The following MAPK10 variants were observed in gnomAD, a reference collection of about 807,000 sequenced individuals.
MAPK10 encodes mitogen-activated protein kinase 10.
A neutral mutation model predicts 59.3 loss-of-function variants in MAPK10; 25 were observed. The observed-to-expected ratio is 0.42, with a 90% CI of 0.31 to 0.59. MAPK10 has a LOEUF of 0.59. Ranked by LOEUF, MAPK10 falls within the 20% of genes least tolerant of loss-of-function variation. The probability of loss-of-function intolerance (pLI) is 0.15; values close to 1 mark genes in which losing one functional copy is unlikely to be tolerated. For missense variants in MAPK10, 351 were observed against 568.9 expected (o/e 0.62, Z 3.90); for synonymous variants, 190 against 200.5 (o/e 0.95, Z 0.44).
chr4:86,575,173 C>CT (rs765518356), intron 1 of MAPK10, among the ~76,000 whole-genome samples: 1 of 152,202 alleles, frequency 6.6e-6, no homozygotes, highest in Non-Finnish European at 1.5e-5. Flanking sequence ...TGCCCTTAGA[C>CT]TAAGATTCGC....
chr4:86,073,272 GT>G (rs2048437955), intron 9 of MAPK10, among the ~76,000 whole-genome samples: 5 of 146,848 alleles, frequency 3.4e-5, no homozygotes, highest in Non-Finnish European at 6.1e-5. Context: ...TGTCTATTTG[GT>G]TCTTCTCTCT....
chr4:86,061,175 T>C (rs1485332325), intron 11 of MAPK10, among the ~76,000 whole-genome samples: 1 of 152,124 alleles, frequency 6.6e-6, no homozygotes, highest in East Asian at 1.9e-4. Flanking sequence ...AAATTAGTAA[T>C]GGGAAGAGCA....
At chr4:86,027,954 G>C (rs1411024168) in intron 13 of MAPK10, 1 of 152,146 alleles carries the variant, frequency 6.6e-6, no homozygotes, top group Non-Finnish European at 1.5e-5. Context: ...AATAGAATAG[G>C]TTCTACTAAA....
chr4:86,496,796 C>T (rs534935024), intron 1 of MAPK10, among the ~76,000 whole-genome samples: 17 of 151,868 alleles, frequency 1.1e-4, no homozygotes, highest in African/African-American at 3.9e-4. Context: ...TATTTAATTC[C>T]CCCCCCACCC....
intron 4 of MAPK10, among the ~76,000 whole-genome samples, chr4:86,145,379 A>C (rs2064713708): frequency 6.6e-6 from 1 of 151,842 alleles, no homozygotes. Context: ...AAAAAAAAAA[A>C]AAAAAATTTC....
At chr4:86,050,445 C>A (rs2043296954) in intron 11 of MAPK10, among the ~76,000 whole-genome samples, 1 of 152,192 alleles carries the variant, frequency 6.6e-6, no homozygotes, top group African/African-American at 2.4e-5. Context: ...TCCATGTCCT[C>A]TAATTGTTGA....
chr4:86,553,284 G>A (rs1388707764), intron 1 of MAPK10, among the ~76,000 whole-genome samples: 1 of 152,060 alleles, frequency 6.6e-6, no homozygotes, highest in Non-Finnish European at 1.5e-5. Context: ...AGCAGCAAGA[G>A]ATAAGATTGA....
At chr4:86,327,772 T>A (rs1454715972) in intron 2 of MAPK10, 1 of 41,272 alleles carries the variant, frequency 2.4e-5, no homozygotes, top group Non-Finnish European at 5.5e-5. Flanking sequence ...AAACCCCATC[T>A]CTACTAAAAA....
chr4:86,341,296 T>C (rs1724757575), intron 2 of MAPK10, among the ~76,000 whole-genome samples: 1 of 152,202 alleles, frequency 6.6e-6, no homozygotes, highest in Non-Finnish European at 1.5e-5. Context: ...GCTTCTGCAC[T>C]CTAGACCAAG....
At chr4:86,529,603 C>T (rs1757717816) in intron 1 of MAPK10, among the ~76,000 whole-genome samples, 1 of 152,110 alleles carries the variant, frequency 6.6e-6, no homozygotes, top group Non-Finnish European at 1.5e-5. Context: ...GAGCTCCCCT[C>T]TCTCACATAC....
intron 8 of MAPK10, chr4:86,099,957 G>A (rs2055030941): frequency 6.6e-6 from 1 of 152,144 alleles, no homozygotes; most frequent in Non-Finnish European, 1.5e-5. Flanking sequence ...TTTGTAAGAG[G>A]TGACTTTTTA....
At chr4:86,403,891 A>T (rs1333957570) in intron 1 of MAPK10, among the ~76,000 whole-genome samples, 2 of 152,136 alleles carry the variant, frequency 1.3e-5, no homozygotes, top group Non-Finnish European at 2.9e-5. Flanking sequence ...CACAGATCTA[A>T]ACCATATCAG....
chr4:86,218,320 A>G (rs1488492826), intron 2 of MAPK10, among the ~76,000 whole-genome samples: 1 of 152,092 alleles, frequency 6.6e-6, no homozygotes, highest in African/African-American at 2.4e-5. Flanking sequence ...GGCTGGGACT[A>G]CAGGCGCCCG....
At chr4:86,442,530 G>A (rs1749530733) in intron 1 of MAPK10, among the ~76,000 whole-genome samples, 1 of 152,132 alleles carries the variant, frequency 6.6e-6, no homozygotes, top group Non-Finnish European at 1.5e-5. Flanking sequence ...GGGTGTCTCT[G>A]TTTTATTCCT....
intron 4 of MAPK10, chr4:86,123,726 T>G (rs567181220): frequency 6.6e-5 from 10 of 152,184 alleles, no homozygotes; most frequent in African/African-American, 2.4e-4. Context: ...AATGACCTTC[T>G]TCCACATGTA....
chr4:86,556,294 A>T (rs1760261601), intron 1 of MAPK10, among the ~76,000 whole-genome samples: 2 of 152,220 alleles, frequency 1.3e-5, no homozygotes, highest in South Asian at 4.1e-4. Context: ...GAGGACAAAG[A>T]ACTTTTATTC....
At chr4:86,152,760 C>A (rs1224598748) in intron 4 of MAPK10, 2 of 152,156 alleles carry the variant, frequency 1.3e-5, no homozygotes, top group African/African-American at 2.4e-5. Context: ...AAATTTATAA[C>A]ACATACCTAC....
chr4:86,216,889 T>C (rs1205427396), intron 2 of MAPK10, among the ~76,000 whole-genome samples: 3 of 152,148 alleles, frequency 2.0e-5, no homozygotes, highest in African/African-American at 7.2e-5. Flanking sequence ...TATGTATATT[T>C]GTTTCATAAT....
intron 4 of MAPK10, among the ~76,000 whole-genome samples, chr4:86,141,993 C>T (rs940388731): frequency 1.1e-4 from 17 of 152,174 alleles, no homozygotes; most frequent in Non-Finnish European, 2.1e-4. Flanking sequence ...GAGGGGCATC[C>T]TGGCTTTAAA....
Sources: allele counts gnomAD v4.1 joint callset (sites outside exome capture counted in the v4.1 genomes callset), GRCh38; gene constraint gnomAD v4.1.1; transcripts MANE v1.5; gene names NCBI Gene and HGNC (gene_info 2026-07-23, HGNC 2026-07-21).